The following GMDS variants were observed in gnomAD, a reference collection of about 807,000 sequenced individuals.
The protein encoded by GMDS is GDP-mannose 4,6 dehydratase.
GMDS carries 20 observed loss-of-function variants against 49.9 expected under a neutral mutation model. The ratio of observed to expected loss-of-function variants is 0.40; its 90% CI spans 0.28 to 0.58. GMDS has a LOEUF of 0.58. Among genes scored for constraint, GMDS ranks in the 20% least tolerant of loss-of-function variants. The pLI, the probability that GMDS is intolerant of heterozygous loss-of-function variation, is 0.42. For synonymous variants in GMDS, 177 were observed against 178.6 expected, an observed-to-expected ratio of 0.99 and a Z score of 0.07; for missense variants, 362 against 481.4, an observed-to-expected ratio of 0.75 and a Z score of 2.32.
At chr6:1,965,036 G>A (rs1178013929) in intron 4 of GMDS, among the ~76,000 whole-genome samples, 1 of 143,374 alleles carries the variant, frequency 7.0e-6, no homozygotes, top group Non-Finnish European at 1.5e-5. Context: ...ATTCCATGGT[G>A]TATATGTGCC....
chr6:1,919,724 A>G (rs1761620444), intron 7 of GMDS, among the ~76,000 whole-genome samples: 1 of 152,212 alleles, frequency 6.6e-6, no homozygotes, highest in South Asian at 2.1e-4. Context: ...GTAGAAGCAC[A>G]TGGAACCAAG....
rs192326958 is a variant in GMDS, at chr6:2,142,565, C to G, written c.103-17834G>C. On this transcript the variant is annotated intron_variant, in intron 1 of 10. Transcript: ENST00000380815. ...CAGCGGCAAGGTAAGGGGCCTGGAA[C>G]AGATCCTTCCCTCACAGCCCTCAGA... 2.8e-3 allele frequency among the ~76,000 whole-genome samples: 425 copies of G among 152,298 alleles called. 4 individuals are homozygous for G. Among genetic ancestry groups the G allele is most frequent in the African/African-American group, 9.6e-3 (398 of 41,558 alleles).
intron 6 of GMDS, among the ~76,000 whole-genome samples, chr6:1,937,300 G>A (rs1393785838): frequency 6.6e-6 from 1 of 152,190 alleles, no homozygotes; most frequent in Non-Finnish European, 1.5e-5. Context: ...AACAAGAAAA[G>A]AAAGCACGCC....
In GMDS at chr6:1,669,091, T is replaced by C. The variant is rs566876025; in HGVS notation, c.988-44551A>G. On this transcript the variant is annotated intron_variant, in intron 9 of 10. Coordinates refer to ENST00000380815, the MANE Select transcript of GMDS (RefSeq NM_001500.4). ...CTAATACCAAGGTCTAAGGAAACTTTGTCAAATGTCTTGCTGCCCTGATTA... is the reference window on the plus strand; with the variant it reads ...CTAATACCAAGGTCTAAGGAAACTTCGTCAAATGTCTTGCTGCCCTGATTA... Among the ~76,000 whole-genome samples the C allele has an allele frequency of 2.5e-3, 383 of 152,384 alleles. 1 individual carries two copies. Among genetic ancestry groups the C allele is most frequent in the African/African-American group, 8.8e-3 (366 of 41,596 alleles).
chr6:1,824,678 T>G (rs1771036053), intron 7 of GMDS, among the ~76,000 whole-genome samples: 1 of 152,172 alleles, frequency 6.6e-6, no homozygotes, highest in Non-Finnish European at 1.5e-5. Context: ...GTAAACTACT[T>G]GAACTCTCCA....
At chr6:1,762,244 T>C (rs1464599996) in intron 7 of GMDS, among the ~76,000 whole-genome samples, 1 of 152,248 alleles carries the variant, frequency 6.6e-6, no homozygotes, top group Non-Finnish European at 1.5e-5. Context: ...GTATCGGATG[T>C]GGTTTTCAAT....
intron 4 of GMDS, among the ~76,000 whole-genome samples, chr6:2,008,683 T>C (rs978463693): frequency 1.3e-5 from 2 of 152,216 alleles, no homozygotes; most frequent in Admixed American, 6.5e-5. Context: ...GCCAAGACTG[T>C]AGAAAATGAC....
At chr6:1,910,076 A>G (rs1760972081) in intron 7 of GMDS, among the ~76,000 whole-genome samples, 1 of 152,202 alleles carries the variant, frequency 6.6e-6, no homozygotes, top group African/African-American at 2.4e-5. Flanking sequence ...AATATTTTTT[A>G]CATGCTTAAT....
chr6:2,105,600 C>T (rs1774198315), intron 4 of GMDS, among the ~76,000 whole-genome samples: 1 of 152,128 alleles, frequency 6.6e-6, no homozygotes, highest in African/African-American at 2.4e-5. Context: ...GGTTATTTAC[C>T]ATCAGTACTA....
intron 8 of GMDS, among the ~76,000 whole-genome samples, chr6:1,733,978 C>T (rs1766920154): frequency 6.6e-6 from 1 of 152,180 alleles, no homozygotes; most frequent in African/African-American, 2.4e-5. Flanking sequence ...ATCGGGGCGA[C>T]CTGCTAGTGG....
chr6:1,885,811 C>CA (rs1225717020), intron 7 of GMDS, among the ~76,000 whole-genome samples: 11 of 152,312 alleles, frequency 7.2e-5, no homozygotes, highest in African/African-American at 2.6e-4. Context: ...CCTGGGATAC[C>CA]ATGCTGCATC....
chr6:2,144,182 TCA>T (rs1776440349), intron 1 of GMDS, among the ~76,000 whole-genome samples: 1 of 152,146 alleles, frequency 6.6e-6, no homozygotes, highest in Non-Finnish European at 1.5e-5. Flanking sequence ...GGAGGTCAGG[TCA>T]GGTCACCAGC....
At chr6:1,633,960 T>A (rs2113160135) in intron 9 of GMDS, among the ~76,000 whole-genome samples, 1 of 152,318 alleles carries the variant, frequency 6.6e-6, no homozygotes, top group Admixed American at 6.5e-5. Context: ...AGCTTACAAT[T>A]CTGACTTTCT....
At chr6:1,626,063 T>C (rs1263018647) in intron 9 of GMDS, 1 of 152,236 alleles carries the variant, frequency 6.6e-6, no homozygotes, top group Non-Finnish European at 1.5e-5. Context: ...TCTAGATTCA[T>C]GATGGTCGAG....
At chr6:1,792,938 A>G (rs1769599961) in intron 7 of GMDS, among the ~76,000 whole-genome samples, 1 of 152,212 alleles carries the variant, frequency 6.6e-6, no homozygotes, top group African/African-American at 2.4e-5. Flanking sequence ...CTCAAGAATT[A>G]CATTCTGCTC....
intron 1 of GMDS, among the ~76,000 whole-genome samples, chr6:2,210,495 A>T (rs2127582525): frequency 6.6e-6 from 1 of 152,300 alleles, no homozygotes; most frequent in Non-Finnish European, 1.5e-5. Flanking sequence ...TGCCTCGAGA[A>T]TGGACGGGCT....
intron 4 of GMDS, among the ~76,000 whole-genome samples, chr6:1,988,527 A>C (rs1372593405): frequency 2.0e-5 from 3 of 152,064 alleles, no homozygotes; most frequent in Non-Finnish European, 2.9e-5. Flanking sequence ...TGGGCTCCCT[A>C]TCCAGCTCAC....
intron 9 of GMDS, among the ~76,000 whole-genome samples, chr6:1,703,765 T>C (rs889814981): frequency 1.1e-4 from 17 of 152,242 alleles, no homozygotes; most frequent in African/African-American, 4.1e-4. Context: ...TGGCACAGGC[T>C]TGGTTCGCAC....
chr6:2,082,542 C>T (rs1772775437), intron 4 of GMDS, among the ~76,000 whole-genome samples: 1 of 152,170 alleles, frequency 6.6e-6, no homozygotes, highest in African/African-American at 2.4e-5. Flanking sequence ...ACTCAAAGTG[C>T]ATTTCTTTGA....
Sources: gnomAD v4.1 joint callset for allele counts (sites outside exome capture counted in the v4.1 genomes callset) on GRCh38, gnomAD v4.1.1 for gene constraint, MANE v1.5 for transcripts, NCBI Gene and HGNC (gene_info 2026-07-23, HGNC 2026-07-21) for gene names.